LRP1B: variants seen among roughly 807,000 people sequenced by gnomAD.
LRP1B encodes LDL receptor related protein 1B.
A neutral mutation model predicts 556.6 loss-of-function variants in LRP1B; 217 were observed. The ratio of observed to expected loss-of-function variants is 0.39; its 90% CI spans 0.35 to 0.44. LRP1B has a LOEUF of 0.44. Ranked by LOEUF, LRP1B falls within the 20% of genes least tolerant of loss-of-function variation. LRP1B has a pLI of 1.00. For synonymous variants in LRP1B, 2,047 were observed against 1,865.8 expected, an observed-to-expected ratio of 1.10 and a Z score of -2.50; for missense variants, 5,053 against 5,620.8, an observed-to-expected ratio of 0.90 and a Z score of 3.23.
intron 43 of LRP1B, among the ~76,000 whole-genome samples, chr2:140,548,424 C>T (rs1250566738): frequency 6.6e-6 from 1 of 152,158 alleles, no homozygotes; most frequent in Non-Finnish European, 1.5e-5. Context: ...AAGTTGCACC[C>T]AGTGTTCACA....
At chr2:141,333,147 T>G (rs976297830) in intron 3 of LRP1B, among the ~76,000 whole-genome samples, 5 of 152,140 alleles carry the variant, frequency 3.3e-5, no homozygotes, top group African/African-American at 1.2e-4. Flanking sequence ...CTTGAAAACA[T>G]AACATTCCCA....
chr2:141,013,667 T>C lies in LRP1B; in HGVS notation c.2269A>G (p.Met757Val), dbSNP rs1466479821. Reference protein sequence around the residue: ...HGNYVFWTDYMNGSIFQLDLI... With the variant: ...HGNYVFWTDYVNGSIFQLDLI... ...TCTAGTTGAAAAATGGAACCATTCATATAATCAGTCCAGAACACATAATTT... is the reference window on the plus strand; with the variant it reads ...TCTAGTTGAAAAATGGAACCATTCACATAATCAGTCCAGAACACATAATTT... Residue 757 changes from methionine to valine, a missense_variant, in exon 14 of 91, where the codon ATG (methionine) becomes GTG (valine). Physicochemically the swap from Met to Val is conservative, Grantham distance 21. Transcript: ENST00000389484. The C allele has an allele frequency of 6.2e-7, 1 of 1,612,150 alleles. No homozygotes were observed. The highest frequency in any genetic ancestry group is 2.2e-5 in the East Asian group (1 of 44,672).
chr2:141,757,990 T>C (rs921777456), intron 2 of LRP1B, among the ~76,000 whole-genome samples: 1 of 152,182 alleles, frequency 6.6e-6, no homozygotes, highest in Admixed American at 6.5e-5. Flanking sequence ...AATTTTGAGG[T>C]GGACTTAACC....
intron 29 of LRP1B, among the ~76,000 whole-genome samples, chr2:140,846,836 TG>T (rs1692288663): frequency 6.6e-6 from 1 of 152,192 alleles, no homozygotes; most frequent in African/African-American, 2.4e-5. Flanking sequence ...GTACAATTAC[TG>T]GTGGAATTTG....
chr2:141,683,003 T>C (rs1691158891), intron 2 of LRP1B, among the ~76,000 whole-genome samples: 2 of 152,156 alleles, frequency 1.3e-5, no homozygotes, highest in Admixed American at 6.6e-5. Context: ...GCATGTGTGA[T>C]GTGAACATAA....
At chr2:141,104,307 G>A (rs1246474335) in intron 7 of LRP1B, among the ~76,000 whole-genome samples, 1 of 151,908 alleles carries the variant, frequency 6.6e-6, no homozygotes, top group African/African-American at 2.4e-5. Flanking sequence ...GTTGGGTAGG[G>A]GGACTTGTTT....
chr2:140,423,981 T>C (rs1685554688), intron 66 of LRP1B, among the ~76,000 whole-genome samples: 1 of 152,202 alleles, frequency 6.6e-6, no homozygotes, highest in Non-Finnish European at 1.5e-5. Flanking sequence ...TAATGAATAA[T>C]GTTTACTCAA....
rs531642651 is a variant in LRP1B, at chr2:141,826,899, A to G, written c.83-16498T>C. Among the ~76,000 whole-genome samples, 7 of 152,288 alleles carry G rather than the reference A, an allele frequency of 4.6e-5. No homozygotes were observed. The South Asian group carries it at 1.4e-3, about 32-fold the overall frequency. On this transcript the variant is annotated intron_variant, in intron 1 of 90. Coordinates refer to ENST00000389484, the MANE Select transcript of LRP1B (RefSeq NM_018557.3). ...CCTACATTTATTTTTTAAAATCTTT[A>G]TCAGTCCAAGAGATTCTGTCATTTT...
chr2:142,075,977 A>T (rs1003520735), intron 1 of LRP1B, among the ~76,000 whole-genome samples: 1 of 152,122 alleles, frequency 6.6e-6, no homozygotes, highest in African/African-American at 2.4e-5. Flanking sequence ...TTAATTCTCC[A>T]TTCACTGCTG....
At chr2:141,947,512 A>G (rs1700987287) in intron 1 of LRP1B, among the ~76,000 whole-genome samples, 2 of 152,082 alleles carry the variant, frequency 1.3e-5, no homozygotes, top group African/African-American at 4.8e-5. Flanking sequence ...AATGTCTCTT[A>G]TGAGGTAGGT....
chr2:141,552,099 C>A (rs1370921344), intron 2 of LRP1B, among the ~76,000 whole-genome samples: 1 of 151,930 alleles, frequency 6.6e-6, no homozygotes, highest in Non-Finnish European at 1.5e-5. Context: ...ATCAGTAATT[C>A]ATTAGAAACC....
At chr2:140,763,817 T>C (rs1463762575) in intron 35 of LRP1B, among the ~76,000 whole-genome samples, 1 of 152,154 alleles carries the variant, frequency 6.6e-6, no homozygotes, top group Non-Finnish European at 1.5e-5. Context: ...TATTACATCT[T>C]GAAAGATTTA....
intron 1 of LRP1B, among the ~76,000 whole-genome samples, chr2:142,127,262 TATA>T (rs1460163997): frequency 6.6e-6 from 1 of 151,978 alleles, no homozygotes. Flanking sequence ...AATATTTTCA[TATA>T]ATGTTTTTAA....
intron 3 of LRP1B, among the ~76,000 whole-genome samples, chr2:141,265,473 G>T (rs771512284): frequency 9.9e-5 from 15 of 152,220 alleles, no homozygotes; most frequent in Admixed American, 2.0e-4. Flanking sequence ...TACCCTGCAT[G>T]CATAAGAGCC....
At chr2:141,311,446 G>C (rs1246460681) in intron 3 of LRP1B, among the ~76,000 whole-genome samples, 1 of 152,008 alleles carries the variant, frequency 6.6e-6, no homozygotes, top group East Asian at 1.9e-4. Context: ...TAGTGAGCTG[G>C]GTTTTTTTCA....
chr2:140,829,587 A>G (rs1691644431), intron 31 of LRP1B, among the ~76,000 whole-genome samples: 1 of 152,014 alleles, frequency 6.6e-6, no homozygotes, highest in African/African-American at 2.4e-5. Context: ...GAAACAAATA[A>G]AATTAGAAAA....
At chr2:140,941,561 T>C (rs1303229598) in intron 20 of LRP1B, among the ~76,000 whole-genome samples, 5 of 152,182 alleles carry the variant, frequency 3.3e-5, no homozygotes, top group Non-Finnish European at 4.4e-5. Flanking sequence ...CCAGCCCTTA[T>C]TCTTACATAC....
chr2:140,433,875 A>C (rs529114943), intron 66 of LRP1B, among the ~76,000 whole-genome samples: 26 of 150,532 alleles, frequency 1.7e-4, no homozygotes, highest in African/African-American at 5.9e-4. Flanking sequence ...ATGCAAGGGT[A>C]TATCAAAAAG....
chr2:140,886,557 A>G (rs1009559942), intron 23 of LRP1B, among the ~76,000 whole-genome samples: 2 of 152,090 alleles, frequency 1.3e-5, no homozygotes, highest in African/African-American at 2.4e-5. Context: ...TTGGATTTAC[A>G]TATACCTGAT....
Sources: gnomAD v4.1 joint callset for allele counts (sites outside exome capture counted in the v4.1 genomes callset) on GRCh38, gnomAD v4.1.1 for gene constraint, MANE v1.5 for transcripts, NCBI Gene and HGNC (gene_info 2026-07-23, HGNC 2026-07-21) for gene names.